The following BRD4 variants were observed in gnomAD, a reference collection of about 807,000 sequenced individuals.
The protein encoded by BRD4 is bromodomain containing 4, also known as bromodomain-containing protein 4.
Under a neutral mutation model 142.1 loss-of-function variants are expected in BRD4, and 16 were observed. That is an observed-to-expected ratio of 0.11 (90% CI 0.08 to 0.17). The LOEUF is 0.17. Among genes scored for constraint, BRD4 ranks in the 10% least tolerant of loss-of-function variants. The probability of loss-of-function intolerance (pLI) is 1.00; values close to 1 mark genes in which losing one functional copy is unlikely to be tolerated. For missense variants in BRD4, 1,424 were observed against 1,810.9 expected (o/e 0.79, Z 3.88); for synonymous variants, 833 against 707.5 (o/e 1.18, Z -2.82).
chr19:15,278,254 G>A (rs1405451664), intron 1 of BRD4, among the ~76,000 whole-genome samples: 3 of 151,282 alleles, frequency 2.0e-5, no homozygotes, highest in Admixed American at 2.0e-4. Context: ...GTAACTATGG[G>A]CCAGGCATGG....
chr19:15,264,337 A>G, intron 6 of BRD4, 67 bp downstream of exon 6: 14 of 1,527,850 alleles, frequency 9.2e-6, no homozygotes, highest in Non-Finnish European at 1.2e-5. Context: ...TAAAAGGTCT[A>G]GGAAGGTTCT....
intron 1 of BRD4, among the ~76,000 whole-genome samples, chr19:15,329,067 C>T (rs947350133): frequency 1.3e-5 from 2 of 151,954 alleles, no homozygotes; most frequent in Non-Finnish European, 2.9e-5. Context: ...GCCACCACGC[C>T]CGGCGCATTC....
At chr19:15,246,948 A>T (rs1163174029) in intron 11 of BRD4, 1 of 176,596 alleles carries the variant, frequency 5.7e-6, no homozygotes. Context: ...CTTGTGTCAG[A>T]GTTACCAGTA....
chr19:15,285,031 G>A (rs904489525), intron 1 of BRD4, among the ~76,000 whole-genome samples: 1 of 152,166 alleles, frequency 6.6e-6, no homozygotes, highest in Non-Finnish European at 1.5e-5. Flanking sequence ...CCTCTCTCCA[G>A]CCCCTGCAGG....
intron 1 of BRD4, chr19:15,331,936 G>T (rs2048164102): frequency 1.4e-5 from 2 of 142,060 alleles, no homozygotes; most frequent in African/African-American, 5.1e-5. Context: ...CGGGCGCCTC[G>T]GCCCGCCCCC....
chr19:15,317,565 C>T (rs569284034), intron 1 of BRD4, among the ~76,000 whole-genome samples: 1 of 151,266 alleles, frequency 6.6e-6, no homozygotes, highest in South Asian at 2.1e-4. Flanking sequence ...TCAGAGTCAA[C>T]AAAGATAAGG....
At chr19:15,273,167 C>T (rs200852627) in intron 1 of BRD4, 34 bp from the exon 2 acceptor site, 4 of 1,516,114 alleles carry the variant, frequency 2.6e-6, no homozygotes, top group Non-Finnish European at 3.5e-6. Flanking sequence ...CGTGAGATAT[C>T]AGTCAGCAGA....
At chr19:15,272,707 T>C (rs998979206) in intron 2 of BRD4, 108 bp downstream of exon 2, 6 of 1,077,664 alleles carry the variant, frequency 5.6e-6, no homozygotes, top group Middle Eastern at 3.0e-4. Flanking sequence ...GCTCTCACCA[T>C]GATTCCAAAT....
intron 9 of BRD4, 149 bp from the exon 10 acceptor site, chr19:15,255,741 A>T: frequency 9.2e-7 from 1 of 1,085,346 alleles, no homozygotes; most frequent in South Asian, 1.6e-5. Flanking sequence ...TGGGCAACTC[A>T]ATCTCTGGGA....
chr19:15,325,842 T>G (rs1049938838), intron 1 of BRD4, among the ~76,000 whole-genome samples: 34 of 150,646 alleles, frequency 2.3e-4, no homozygotes, highest in African/African-American at 7.8e-4. Context: ...CTACTAGAAA[T>G]ACAAAATTAG....
intron 1 of BRD4, among the ~76,000 whole-genome samples, chr19:15,319,472 G>A (rs543804057): frequency 3.9e-5 from 6 of 151,988 alleles, no homozygotes; most frequent in Non-Finnish European, 8.8e-5. Context: ...AAATAAGCTA[G>A]GCATGGTGAC....
chr19:15,309,398 T>C (rs1354913637), intron 1 of BRD4, among the ~76,000 whole-genome samples: 1 of 151,416 alleles, frequency 6.6e-6, no homozygotes, highest in Non-Finnish European at 1.5e-5. Flanking sequence ...AAGGAATCTT[T>C]GCTATCATCT....
At chr19:15,324,212 G>A (rs903010286) in intron 1 of BRD4, among the ~76,000 whole-genome samples, 1 of 152,134 alleles carries the variant, frequency 6.6e-6, no homozygotes, top group African/African-American at 2.4e-5. Context: ...CTGGGGAGGG[G>A]GGAAGGGGAA....
chr19:15,243,957 G>A (rs993920393), intron 13 of BRD4, among the ~76,000 whole-genome samples: 1 of 152,230 alleles, frequency 6.6e-6, no homozygotes, highest in East Asian at 1.9e-4. Context: ...CCCAGCAGCA[G>A]AAATAAGTCA....
At chr19:15,247,108 C>T (rs1599438156) in intron 11 of BRD4, 1 of 212,430 alleles carries the variant, frequency 4.7e-6, no homozygotes, top group African/African-American at 2.3e-5. Flanking sequence ...CAAATTTCAT[C>T]TTTACATAGG....
At chr19:15,327,469 G>A (rs1464820871) in intron 1 of BRD4, among the ~76,000 whole-genome samples, 1 of 152,060 alleles carries the variant, frequency 6.6e-6, no homozygotes, top group Non-Finnish European at 1.5e-5. Flanking sequence ...GCTTGAACCC[G>A]GGGGGTGGAG....
rs2047317151 is a variant in BRD4, at chr19:15,249,051, CAG to C, written c.2159-4291_2159-4290del. On this transcript the variant is annotated intron_variant, in intron 11 of 19. Coordinates refer to ENST00000679869, the MANE Select transcript of BRD4 (RefSeq NM_001379291.1). ...GCAGGACAGCCAGGCAGTCTTTACACAGAGAGGCCTGGGCGGCTGGCCAGGCA... is the reference window on the plus strand; with the variant it reads ...GCAGGACAGCCAGGCAGTCTTTACACAGAGGCCTGGGCGGCTGGCCAGGCA... The C allele has an allele frequency of 4.8e-6, 3 of 625,536 alleles. No individual in the cohort carries two copies. The East Asian group carries it at 8.4e-5, about 18-fold the overall frequency. The allele number at this position is 625,536 out of a possible 1,614,324, so 38.7% of individuals were successfully genotyped here.
intron 14 of BRD4, among the ~76,000 whole-genome samples, chr19:15,240,295 C>T (rs2047228464): frequency 6.6e-6 from 1 of 152,196 alleles, no homozygotes. Context: ...TTTCTAGGGC[C>T]CTGTGGCACC....
At chr19:15,295,974 A>G (rs1319973911) in intron 1 of BRD4, among the ~76,000 whole-genome samples, 1 of 151,774 alleles carries the variant, frequency 6.6e-6, no homozygotes, top group Admixed American at 6.6e-5. Flanking sequence ...TCAGTCTCCA[A>G]AAAAAACTGT....
Sources: gnomAD v4.1 joint callset for allele counts (sites outside exome capture counted in the v4.1 genomes callset) on GRCh38, gnomAD v4.1.1 for gene constraint, MANE v1.5 for transcripts, NCBI Gene and HGNC (gene_info 2026-07-23, HGNC 2026-07-21) for gene names.